Variants in CSMD2 observed in about 807,000 individuals in gnomAD.
The protein encoded by CSMD2 is CUB and sushi domain-containing protein 2.
CSMD2 carries 130 observed loss-of-function variants against 398.5 expected under a neutral mutation model. The ratio of observed to expected loss-of-function variants is 0.33; its 90% confidence interval spans 0.28 to 0.38. The LOEUF (loss-of-function observed/expected upper bound fraction) is 0.38, where lower values mean the gene tolerates loss of function less well. CSMD2 is among the 10% of genes least tolerant of loss of function. The pLI, the probability that CSMD2 is intolerant of heterozygous loss-of-function variation, is 1.00. For synonymous variants in CSMD2, 1,828 were observed against 1,908.5 expected, an observed-to-expected ratio of 0.96 and a Z score of 1.10; for missense variants, 3,829 against 4,764.9, an observed-to-expected ratio of 0.80 and a Z score of 5.78.
intron 5 of CSMD2, among the ~76,000 whole-genome samples, chr1:33,892,216 A>G (rs569713291): frequency 6.6e-6 from 1 of 152,060 alleles, no homozygotes; most frequent in East Asian, 1.9e-4. Flanking sequence ...GCTTTTGGCA[A>G]ACTGGAGGAC....
At chr1:33,859,796 T>C (rs1183861976) in intron 5 of CSMD2, among the ~76,000 whole-genome samples, 2 of 152,114 alleles carry the variant, frequency 1.3e-5, no homozygotes, top group Non-Finnish European at 2.9e-5. Flanking sequence ...GGTGATTCCA[T>C]CATGCTGCAA....
intron 5 of CSMD2, among the ~76,000 whole-genome samples, chr1:33,908,100 A>C (rs1178304769): frequency 6.6e-6 from 1 of 151,572 alleles, no homozygotes; most frequent in African/African-American, 2.4e-5. Flanking sequence ...AAAAAAAAAA[A>C]AAAAAAAGAA....
chr1:33,771,599 C>T (rs1277761371), intron 13 of CSMD2, among the ~76,000 whole-genome samples: 1 of 151,862 alleles, frequency 6.6e-6, no homozygotes, highest in Non-Finnish European at 1.5e-5. Context: ...CCCAACTCAT[C>T]AACTCATACA....
rs34856451 is a variant in CSMD2 at position 34,077,456 on chromosome 1, CA to C, written c.404+11520del. Among the ~76,000 whole-genome samples, 233 of 28,484 alleles carry C rather than the reference CA, an allele frequency of 8.2e-3. 2 individuals carry two copies. Among genetic ancestry groups the C allele is most frequent in the African/African-American group, 0.029 (188 of 6,530 alleles). 18.7% of individuals were successfully genotyped at this position (28,484 alleles called of 152,430 possible). On this transcript the variant is annotated intron_variant, in intron 2 of 70. Transcript: ENST00000373381. ...TGGGCTAAAGAGCGGAACTCCGTCT[CA>C]AAAAAAAAAAAAAAAAAAAAAGCAG... is the stretch of plus-strand genomic sequence containing the variant.
At chr1:33,707,692 CG>C (rs1163653509) in intron 22 of CSMD2, among the ~76,000 whole-genome samples, 6 of 37,576 alleles carry the variant, frequency 1.6e-4, no homozygotes, top group African/African-American at 7.2e-4. Flanking sequence ...CACGCGCGCG[CG>C]CGCACACACA....
intron 1 of CSMD2, among the ~76,000 whole-genome samples, chr1:34,094,016 A>G (rs1460939323): frequency 1.9e-4 from 29 of 152,250 alleles, no homozygotes; most frequent in African/African-American, 6.5e-4. Context: ...GAGAAAGGTC[A>G]GGTTACCCTC....
rs1302988777 is a variant in CSMD2 at position 33,945,187 on chromosome 1, C to T, written c.518-9233G>A. Among the ~76,000 whole-genome samples the T allele has an allele frequency of 2.0e-5, 3 of 151,892 alleles. No individual in the cohort carries two copies. In the East Asian group the frequency reaches 5.8e-4, roughly 29 times the overall value. ...ACCAAGAAGGAAACATCATAGGCCC[C>T]AGAATAGAGCTGCCAAGTAAAATAT... is the stretch of plus-strand genomic sequence containing the variant. On this transcript the variant is annotated intron_variant, in intron 3 of 70. Coordinates refer to ENST00000373381, the MANE Select transcript of CSMD2 (RefSeq NM_001281956.2).
intron 5 of CSMD2, among the ~76,000 whole-genome samples, chr1:33,881,567 G>C (rs1474515651): frequency 6.6e-6 from 1 of 152,132 alleles, no homozygotes; most frequent in East Asian, 1.9e-4. Flanking sequence ...GGAGGGAATG[G>C]TGTGGGGAAC....
intron 10 of CSMD2, among the ~76,000 whole-genome samples, chr1:33,800,773 G>A (rs1438463149): frequency 2.6e-5 from 4 of 152,154 alleles, no homozygotes; most frequent in South Asian, 2.1e-4. Context: ...AGATCTGGGC[G>A]AGGGGAAATG....
chr1:34,008,623 CTCTT>C (rs774445490), intron 3 of CSMD2, among the ~76,000 whole-genome samples: 2 of 152,228 alleles, frequency 1.3e-5, no homozygotes, highest in Non-Finnish European at 2.9e-5. Context: ...CGTTCAAAAA[CTCTT>C]TCTCACCTAA....
At chr1:34,050,003 T>C (rs541679683) in intron 2 of CSMD2, among the ~76,000 whole-genome samples, 115 of 152,342 alleles carry the variant, frequency 7.5e-4, no homozygotes, top group African/African-American at 1.9e-3. Flanking sequence ...AGAATGCAGC[T>C]ATCTGCAAGC....
At chr1:33,550,638 A>G (rs1361124462) in intron 55 of CSMD2, among the ~76,000 whole-genome samples, 5 of 152,044 alleles carry the variant, frequency 3.3e-5, no homozygotes, top group Admixed American at 1.3e-4. Flanking sequence ...ACCTCTCCCT[A>G]TTTCCTCATA....
intron 29 of CSMD2, among the ~76,000 whole-genome samples, chr1:33,643,499 T>C (rs1643230852): frequency 6.6e-6 from 1 of 152,164 alleles, no homozygotes; most frequent in African/African-American, 2.4e-5. Flanking sequence ...AAAGTACATA[T>C]CAAATACTTA....
At chr1:33,874,219 T>G (rs376180567) in intron 5 of CSMD2, among the ~76,000 whole-genome samples, 10 of 152,348 alleles carry the variant, frequency 6.6e-5, no homozygotes, top group African/African-American at 2.2e-4. Context: ...CACACTTTTA[T>G]TGAATGCCTA....
intron 2 of CSMD2, among the ~76,000 whole-genome samples, chr1:34,051,718 TTG>T (rs1420350705): frequency 6.6e-6 from 1 of 152,150 alleles, no homozygotes; most frequent in African/African-American, 2.4e-5. Context: ...TTAGGCAAAA[TTG>T]TAAGTTTGTT....
intron 3 of CSMD2, among the ~76,000 whole-genome samples, chr1:33,951,798 T>C (rs1028956678): frequency 2.0e-5 from 3 of 152,200 alleles, no homozygotes; most frequent in East Asian, 3.8e-4. Flanking sequence ...GCTACTTCCA[T>C]CCCTACCACA....
At chr1:33,915,870 C>A (rs2125276926) in intron 5 of CSMD2, among the ~76,000 whole-genome samples, 1 of 152,294 alleles carries the variant, frequency 6.6e-6, no homozygotes, top group East Asian at 1.9e-4. Context: ...GCTTGGAAGA[C>A]AGCCTTTAGT....
chr1:33,718,837 G>A (rs1646259824), intron 19 of CSMD2, among the ~76,000 whole-genome samples: 1 of 152,238 alleles, frequency 6.6e-6, no homozygotes, highest in African/African-American at 2.4e-5. Context: ...GTTGATAGAG[G>A]CTGGTGATCC....
At chr1:33,592,600 C>A in intron 44 of CSMD2, 1 of 684,694 alleles carries the variant, frequency 1.5e-6, no homozygotes, top group South Asian at 1.6e-5. Flanking sequence ...TCTCAAACTA[C>A]CTATCACTAA....
Sources: gnomAD v4.1 joint callset for allele counts (sites outside exome capture counted in the v4.1 genomes callset) on GRCh38, gnomAD v4.1.1 for gene constraint, MANE v1.5 for transcripts, NCBI Gene and HGNC (gene_info 2026-07-23, HGNC 2026-07-21) for gene names.